The following SLC25A48 variants were observed in gnomAD, a reference collection of about 807,000 sequenced individuals.
The protein encoded by SLC25A48 is CTC-321K16.1.
Under a neutral mutation model 32.2 loss-of-function variants are expected in SLC25A48, and 29 were observed. That is an observed-to-expected ratio of 0.90 (90% CI 0.67 to 1.23). SLC25A48 has a LOEUF of 1.23. SLC25A48 is among the 50% of genes most tolerant of loss of function. The pLI, the probability that SLC25A48 is intolerant of heterozygous loss-of-function variation, is 0.00. For synonymous variants in SLC25A48, 164 were observed against 172.3 expected, an observed-to-expected ratio of 0.95 and a Z score of 0.38; for missense variants, 399 against 422.7, an observed-to-expected ratio of 0.94 and a Z score of 0.49.
chr5:135,739,008 G>A (rs12515479), intron 3 of SLC25A48, among the ~76,000 whole-genome samples: 108,298 of 152,114 alleles, frequency 0.71, 40,196 homozygotes, highest in Middle Eastern at 0.85. Flanking sequence ...CTTAAACCCC[G>A]GAGGCAGAGG....
intron 3 of SLC25A48, among the ~76,000 whole-genome samples, chr5:135,764,859 A>G (rs963762710): frequency 2.7e-5 from 4 of 150,262 alleles, no homozygotes; most frequent in African/African-American, 9.9e-5. Context: ...GGAGAGGGTA[A>G]TATTACTTCC....
intron 6 of SLC25A48, among the ~76,000 whole-genome samples, chr5:135,878,288 G>A (rs949029289): frequency 3.3e-5 from 5 of 152,126 alleles, no homozygotes; most frequent in East Asian, 1.9e-4. Context: ...GGCTGCCTCC[G>A]CCTTGCAGAG....
At chr5:135,598,005 A>C (rs1225809923) in intron 1 of SLC25A48, among the ~76,000 whole-genome samples, 1 of 125,468 alleles carries the variant, frequency 8.0e-6, no homozygotes, top group African/African-American at 2.8e-5. Flanking sequence ...CTCTGTCTTA[A>C]AAAAAAAATC....
At chr5:135,713,690 T>C (rs1334259894) in intron 3 of SLC25A48, among the ~76,000 whole-genome samples, 1 of 152,222 alleles carries the variant, frequency 6.6e-6, no homozygotes, top group Admixed American at 6.5e-5. Flanking sequence ...TGAAGCTCTG[T>C]AGCAGACAGA....
intron 1 of SLC25A48, among the ~76,000 whole-genome samples, chr5:135,594,115 A>T (rs1296544741): frequency 2.0e-5 from 3 of 152,248 alleles, no homozygotes; most frequent in African/African-American, 7.2e-5. Flanking sequence ...GAACTCTCAA[A>T]CACGGTGACT....
At chr5:135,618,129 A>G (rs188166557) in intron 1 of SLC25A48, among the ~76,000 whole-genome samples, 1 of 152,080 alleles carries the variant, frequency 6.6e-6, no homozygotes, top group Non-Finnish European at 1.5e-5. Flanking sequence ...TAGAATTGCT[A>G]TATCCTCTTA....
At chr5:135,639,576 T>A (rs1752786146) in intron 3 of SLC25A48, among the ~76,000 whole-genome samples, 1 of 151,630 alleles carries the variant, frequency 6.6e-6, no homozygotes, top group Non-Finnish European at 1.5e-5. Context: ...ATATAAGAGG[T>A]CTCAAAGAGC....
At chr5:135,682,005 A>G (rs111846090) in intron 3 of SLC25A48, among the ~76,000 whole-genome samples, 5,728 of 152,230 alleles carry the variant, frequency 0.038, 140 homozygotes, top group African/African-American at 0.067. Flanking sequence ...ATCAATACTC[A>G]GCTAAAGACT....
chr5:135,597,719 C>A (rs1379993044), intron 1 of SLC25A48, among the ~76,000 whole-genome samples: 4 of 152,192 alleles, frequency 2.6e-5, no homozygotes, highest in Non-Finnish European at 5.9e-5. Context: ...AAAGTCCCCA[C>A]CTAGCTGGGT....
At chr5:135,591,911 G>A (rs570400447) in intron 1 of SLC25A48, among the ~76,000 whole-genome samples, 4 of 152,162 alleles carry the variant, frequency 2.6e-5, no homozygotes, top group African/African-American at 4.8e-5. Flanking sequence ...CTCTGTGAGC[G>A]GAGAACCTAA....
chr5:135,701,754 G>A (rs1754400769), intron 3 of SLC25A48, among the ~76,000 whole-genome samples: 1 of 152,168 alleles, frequency 6.6e-6, no homozygotes, highest in Admixed American at 6.5e-5. Flanking sequence ...ATATGTGGCT[G>A]GATGGGCTAT....
chr5:135,705,030 G>A (rs973625119), intron 3 of SLC25A48, among the ~76,000 whole-genome samples: 3 of 152,190 alleles, frequency 2.0e-5, no homozygotes, highest in Admixed American at 1.3e-4. Context: ...AGACCTCTTG[G>A]CCAAGCAAAG....
intron 3 of SLC25A48, among the ~76,000 whole-genome samples, chr5:135,769,899 G>A (rs1756359188): frequency 6.6e-6 from 1 of 151,552 alleles, no homozygotes; most frequent in African/African-American, 2.4e-5. Context: ...TGCAGGGGGT[G>A]TACACACCCC....
chr5:135,785,261 T>C (rs142433942), intron 3 of SLC25A48, among the ~76,000 whole-genome samples: 90 of 152,142 alleles, frequency 5.9e-4, no homozygotes, highest in African/African-American at 2.1e-3. Context: ...GAGATGGTGA[T>C]ATTATTCCCC....
At chr5:135,608,974 G>A (rs530066390) in intron 1 of SLC25A48, among the ~76,000 whole-genome samples, 2 of 152,288 alleles carry the variant, frequency 1.3e-5, no homozygotes, top group East Asian at 3.9e-4. Context: ...GCCATGTTGG[G>A]CTCCTATTTG....
intron 3 of SLC25A48, among the ~76,000 whole-genome samples, chr5:135,694,210 C>T (rs1248471114): frequency 6.6e-6 from 1 of 152,156 alleles, no homozygotes; most frequent in African/African-American, 2.4e-5. Flanking sequence ...CCACGGGTCT[C>T]CTGGGCGGCC....
chr5:135,881,214 G>C (rs1326618732), intron 7 of SLC25A48, among the ~76,000 whole-genome samples: 5 of 152,228 alleles, frequency 3.3e-5, no homozygotes. Flanking sequence ...GAACTTTCTA[G>C]TCAACCAAGA....
intron 3 of SLC25A48, among the ~76,000 whole-genome samples, chr5:135,707,092 G>A (rs778558496): frequency 2.0e-5 from 3 of 152,126 alleles, no homozygotes; most frequent in Non-Finnish European, 2.9e-5. Flanking sequence ...GGGTGTGGGC[G>A]GCAGGGGCCC....
chr5:135,725,892 ACTCC>A (rs1398576881), intron 3 of SLC25A48, among the ~76,000 whole-genome samples: 1 of 150,750 alleles, frequency 6.6e-6, no homozygotes, highest in Admixed American at 6.6e-5. Context: ...AAAAAAAAAA[ACTCC>A]ACTGTGGTTA....
Sources: gnomAD v4.1 joint callset for allele counts (sites outside exome capture counted in the v4.1 genomes callset) on GRCh38, gnomAD v4.1.1 for gene constraint, MANE v1.5 for transcripts, NCBI Gene and HGNC (gene_info 2026-07-23, HGNC 2026-07-21) for gene names.